Variants in GLIS1 observed in about 807,000 individuals in gnomAD.
GLIS1 encodes GLIS family zinc finger 1.
Under a neutral mutation model 63.8 loss-of-function variants are expected in GLIS1, and 24 were observed. The observed-to-expected ratio is 0.38, with a 90% CI of 0.27 to 0.53. GLIS1 has a LOEUF of 0.53. GLIS1 is among the 20% of genes least tolerant of loss of function. The probability of loss-of-function intolerance (pLI) is 0.85; values close to 1 mark genes in which losing one functional copy is unlikely to be tolerated. For missense variants in GLIS1, 1,036 were observed against 1,074.1 expected (o/e 0.96, Z 0.50); for synonymous variants, 450 against 482.5 (o/e 0.93, Z 0.88).
chr1:53,578,236 T>C (rs1645052076), intron 4 of GLIS1, among the ~76,000 whole-genome samples: 1 of 152,166 alleles, frequency 6.6e-6, no homozygotes, highest in Non-Finnish European at 1.5e-5. Flanking sequence ...GTTAATTAAC[T>C]TCTCTGAATC....
chr1:53,564,810 GAAA>G (rs1398241397), intron 4 of GLIS1, among the ~76,000 whole-genome samples: 1 of 151,948 alleles, frequency 6.6e-6, no homozygotes, highest in Admixed American at 6.5e-5. Context: ...ATGTTGCAGT[GAAA>G]CCTAATAATA....
intron 2 of GLIS1, among the ~76,000 whole-genome samples, chr1:53,697,207 G>A (rs1271355699): frequency 2.0e-5 from 3 of 152,206 alleles, no homozygotes; most frequent in African/African-American, 7.2e-5. Flanking sequence ...GCTCTGTAAG[G>A]AAAGTGGAGG....
chr1:53,512,266 T>C (rs138777989), intron 8 of GLIS1, among the ~76,000 whole-genome samples: 1 of 152,304 alleles, frequency 6.6e-6, no homozygotes, highest in Non-Finnish European at 1.5e-5. Flanking sequence ...ATGCAAATGA[T>C]TCCTAAATCA....
chr1:53,528,231 TGA>T (rs1415107046), intron 5 of GLIS1, among the ~76,000 whole-genome samples: 1 of 152,164 alleles, frequency 6.6e-6, no homozygotes, highest in Non-Finnish European at 1.5e-5. Flanking sequence ...CCTGTGACAA[TGA>T]AGCTGAGAAG....
intron 2 of GLIS1, among the ~76,000 whole-genome samples, chr1:53,625,650 C>T (rs769509403): frequency 6.6e-6 from 1 of 152,212 alleles, no homozygotes; most frequent in Admixed American, 6.5e-5. Context: ...ATGGAGTGAG[C>T]TCCTATTGTG....
At chr1:53,573,287 A>G (rs1049071083) in intron 4 of GLIS1, among the ~76,000 whole-genome samples, 1 of 152,190 alleles carries the variant, frequency 6.6e-6, no homozygotes, top group Admixed American at 6.5e-5. Context: ...ATCCTGGTAC[A>G]GAGCTGAAAC....
intron 4 of GLIS1, among the ~76,000 whole-genome samples, chr1:53,534,674 C>T (rs539567432): frequency 1.1e-4 from 17 of 151,682 alleles, no homozygotes; most frequent in African/African-American, 3.9e-4. Context: ...CCACCCACCC[C>T]ATCCCTGCTA....
intron 2 of GLIS1, among the ~76,000 whole-genome samples, chr1:53,705,076 G>T (rs1646564380): frequency 6.6e-6 from 1 of 152,184 alleles, no homozygotes; most frequent in Non-Finnish European, 1.5e-5. Context: ...GAGGCATTTT[G>T]CTTTTCAGGG....
intron 4 of GLIS1, among the ~76,000 whole-genome samples, chr1:53,552,850 C>A (rs1644773957): frequency 6.6e-6 from 1 of 152,214 alleles, no homozygotes; most frequent in South Asian, 2.1e-4. Context: ...GACTAACTAC[C>A]TCAGTGACAG....
intron 2 of GLIS1, among the ~76,000 whole-genome samples, chr1:53,730,925 C>T (rs1646853571): frequency 6.6e-6 from 1 of 152,236 alleles, no homozygotes; most frequent in Non-Finnish European, 1.5e-5. Context: ...CCAAGCCCTA[C>T]TTCATCCCAC....
intron 2 of GLIS1, among the ~76,000 whole-genome samples, chr1:53,649,690 A>C (rs1216769317): frequency 6.6e-6 from 1 of 152,234 alleles, no homozygotes; most frequent in Non-Finnish European, 1.5e-5. Context: ...TTCATCTTGC[A>C]AACAGATGAT....
chr1:53,607,958 CTT>C (rs377462740), intron 2 of GLIS1, among the ~76,000 whole-genome samples: 18 of 128,592 alleles, frequency 1.4e-4, no homozygotes, highest in East Asian at 6.8e-4. Context: ...TGATGTCTCT[CTT>C]TTTTTTTTTT....
intron 2 of GLIS1, among the ~76,000 whole-genome samples, chr1:53,678,870 G>C (rs780963719): frequency 1.3e-5 from 2 of 152,222 alleles, no homozygotes; most frequent in Admixed American, 1.3e-4. Context: ...CCCAGCCAGA[G>C]AATCTGCCTT....
intron 2 of GLIS1, among the ~76,000 whole-genome samples, chr1:53,707,645 G>A (rs112294114): frequency 0.021 from 3,165 of 149,764 alleles, 105 homozygotes; most frequent in African/African-American, 0.073. Flanking sequence ...GTGAGACTCC[G>A]TCTCAAAAAA....
intron 2 of GLIS1, among the ~76,000 whole-genome samples, chr1:53,727,019 T>TC (rs779335636): frequency 9.9e-5 from 15 of 151,930 alleles, no homozygotes; most frequent in Non-Finnish European, 2.1e-4. Context: ...CTCCTCTTAA[T>TC]CCCCCTAGCA....
chr1:53,583,169 GT>G lies in GLIS1; in HGVS notation c.1320+10938del, dbSNP rs1469061414. 4.6e-5 allele frequency among the ~76,000 whole-genome samples: 7 copies of G among 152,322 alleles called. No homozygotes were observed. In the South Asian group the frequency reaches 8.3e-4, roughly 18 times the overall value. On this transcript the variant is annotated intron_variant, in intron 4 of 10. Coordinates refer to ENST00000628545, the MANE Select transcript of GLIS1 (RefSeq NM_001367484.1). The stretch of plus-strand genomic sequence containing the variant: ...CAGGACCTGAGCTGGAGGCGCAGAT[GT>G]AACACTGGCCAAGTAGCTTCCACTC...
At chr1:53,720,829 C>A (rs1190717017) in intron 2 of GLIS1, among the ~76,000 whole-genome samples, 2 of 152,092 alleles carry the variant, frequency 1.3e-5, no homozygotes, top group South Asian at 2.1e-4. Context: ...TGAAACTCCA[C>A]TACTACAAAA....
intron 2 of GLIS1, among the ~76,000 whole-genome samples, chr1:53,601,322 T>C (rs550045112): frequency 1.3e-5 from 2 of 152,300 alleles, no homozygotes; most frequent in African/African-American, 4.8e-5. Context: ...ACCTAGTGGA[T>C]GCACCAAGAA....
At chr1:53,671,915 T>C (rs983016814) in intron 2 of GLIS1, among the ~76,000 whole-genome samples, 1 of 152,188 alleles carries the variant, frequency 6.6e-6, no homozygotes, top group African/African-American at 2.4e-5. Flanking sequence ...TTCTCAACTT[T>C]TAAAATATTA....
Sources: allele counts gnomAD v4.1 joint callset (sites outside exome capture counted in the v4.1 genomes callset), GRCh38; gene constraint gnomAD v4.1.1; transcripts MANE v1.5; gene names NCBI Gene and HGNC (gene_info 2026-07-23, HGNC 2026-07-21).